The following PDE7B variants were observed in gnomAD, a reference collection of about 807,000 sequenced individuals.
PDE7B encodes the protein 3',5'-cyclic-AMP phosphodiesterase 7B.
In PDE7B, 29 loss-of-function variants were observed where a neutral mutation model predicts 56.2. The ratio of observed to expected loss-of-function variants is 0.52; its 90% CI spans 0.38 to 0.70. The LOEUF is 0.70. Among genes scored for constraint, PDE7B ranks in the 30% least tolerant of loss-of-function variants. The pLI is 0.00. For synonymous variants in PDE7B, 197 were observed against 196.9 expected, an observed-to-expected ratio of 1.00 and a Z score of 0.00; for missense variants, 490 against 565.0, an observed-to-expected ratio of 0.87 and a Z score of 1.35.
chr6:135,852,870 T>C (rs1019478276), intron 1 of PDE7B, among the ~76,000 whole-genome samples: 1 of 152,216 alleles, frequency 6.6e-6, no homozygotes, highest in African/African-American at 2.4e-5. Context: ...AGAGTGACTA[T>C]TGCAATAAGA....
chr6:136,053,288 C>T (rs139058340), intron 2 of PDE7B, among the ~76,000 whole-genome samples: 1,859 of 148,782 alleles, frequency 0.012, 37 homozygotes, highest in African/African-American at 0.041. Context: ...AATTCCCACC[C>T]ATGAGTTAGA....
At chr6:135,881,316 C>A (rs867147084) in intron 1 of PDE7B, among the ~76,000 whole-genome samples, 2 of 131,650 alleles carry the variant, frequency 1.5e-5, no homozygotes, top group Non-Finnish European at 3.2e-5. Context: ...GCCAACATGG[C>A]AAAATCCCGT....
chr6:136,021,646 A>G (rs113303628), intron 2 of PDE7B, among the ~76,000 whole-genome samples: 40 of 147,298 alleles, frequency 2.7e-4, no homozygotes, highest in African/African-American at 9.1e-4. Flanking sequence ...CTCTGTCTCA[A>G]AAAAAAAAAA....
At chr6:135,886,831 C>T (rs898634466) in intron 1 of PDE7B, among the ~76,000 whole-genome samples, 5 of 152,076 alleles carry the variant, frequency 3.3e-5, no homozygotes, top group African/African-American at 9.7e-5. Flanking sequence ...TAAACATGCT[C>T]GTGCATGTGT....
intron 2 of PDE7B, among the ~76,000 whole-genome samples, chr6:135,965,062 A>G (rs1280455298): frequency 6.6e-6 from 1 of 152,166 alleles, no homozygotes; most frequent in Non-Finnish European, 1.5e-5. Flanking sequence ...AATCACTTGA[A>G]CCTGGGAGGT....
intron 2 of PDE7B, among the ~76,000 whole-genome samples, chr6:135,987,374 C>T (rs1008942510): frequency 7.2e-5 from 11 of 152,146 alleles, no homozygotes; most frequent in Non-Finnish European, 1.5e-4. Flanking sequence ...GCCCCTGCTC[C>T]CAAGTATCTG....
chr6:136,097,096 AC>A (rs1438812704), intron 2 of PDE7B, among the ~76,000 whole-genome samples: 4 of 152,200 alleles, frequency 2.6e-5, no homozygotes, highest in Non-Finnish European at 5.9e-5. Flanking sequence ...ATTAAATGTT[AC>A]AGATACTCAA....
intron 2 of PDE7B, among the ~76,000 whole-genome samples, chr6:136,008,434 G>C (rs998563313): frequency 6.6e-6 from 1 of 152,202 alleles, no homozygotes; most frequent in Admixed American, 6.5e-5. Context: ...GGTTGAACTA[G>C]TGTAGAGTCC....
chr6:136,056,944 G>A (rs948977862), intron 2 of PDE7B, among the ~76,000 whole-genome samples: 11 of 152,124 alleles, frequency 7.2e-5, no homozygotes, highest in African/African-American at 2.7e-4. Context: ...CCTATCATTA[G>A]GCATACTTCT....
intron 2 of PDE7B, among the ~76,000 whole-genome samples, chr6:136,004,239 T>C (rs1307158115): frequency 2.6e-5 from 4 of 152,120 alleles, no homozygotes; most frequent in East Asian, 1.9e-4. Context: ...AACCCACAGC[T>C]AATATCATAC....
At chr6:136,091,075 C>T (rs1777377442) in intron 2 of PDE7B, among the ~76,000 whole-genome samples, 1 of 152,164 alleles carries the variant, frequency 6.6e-6, no homozygotes, top group Admixed American at 6.5e-5. Flanking sequence ...CCTCATGTGT[C>T]CTCTCTATTT....
chr6:135,926,791 G>A (rs951331082), intron 1 of PDE7B, among the ~76,000 whole-genome samples: 4 of 152,030 alleles, frequency 2.6e-5, no homozygotes, highest in Admixed American at 6.6e-5. Flanking sequence ...TCTACTGTGC[G>A]GCAAGTGCTT....
intron 2 of PDE7B, among the ~76,000 whole-genome samples, chr6:136,045,412 T>C (rs1776485404): frequency 1.3e-5 from 2 of 152,216 alleles, no homozygotes; most frequent in African/African-American, 4.8e-5. Context: ...TAGAGGCCCC[T>C]TCTTCTAAGC....
At chr6:136,170,594 T>G (rs1327523923) in intron 8 of PDE7B, among the ~76,000 whole-genome samples, 1 of 152,196 alleles carries the variant, frequency 6.6e-6, no homozygotes, top group Non-Finnish European at 1.5e-5. Context: ...TAGTCCATTT[T>G]CTGTTGCTTA....
At chr6:136,043,220 A>G (rs1236594749) in intron 2 of PDE7B, among the ~76,000 whole-genome samples, 4 of 152,306 alleles carry the variant, frequency 2.6e-5, no homozygotes, top group South Asian at 2.1e-4. Flanking sequence ...AATTTAAAGC[A>G]TCTCTTAAAT....
chr6:136,132,521 C>T (rs1438920299), intron 3 of PDE7B, among the ~76,000 whole-genome samples: 2 of 152,140 alleles, frequency 1.3e-5, no homozygotes, highest in African/African-American at 4.8e-5. Flanking sequence ...AAACTCATTT[C>T]TTCATCTGTA....
intron 9 of PDE7B, 119 bp downstream of exon 9, chr6:136,174,007 G>C: frequency 2.8e-6 from 2 of 709,950 alleles, no homozygotes; most frequent in South Asian, 3.2e-5. Flanking sequence ...TGTACTTCCT[G>C]CCTGCACTGA....
At chr6:136,018,405 T>G (rs1300968559) in intron 2 of PDE7B, among the ~76,000 whole-genome samples, 2 of 152,232 alleles carry the variant, frequency 1.3e-5, no homozygotes, top group African/African-American at 4.8e-5. Context: ...TACAGAAATA[T>G]GATTCAGTAA....
At chr6:136,005,674 A>T (rs1775769594) in intron 2 of PDE7B, among the ~76,000 whole-genome samples, 1 of 152,236 alleles carries the variant, frequency 6.6e-6, no homozygotes, top group African/African-American at 2.4e-5. Flanking sequence ...CACACCAGTT[A>T]GAATGGCAAT....
Sources: gnomAD v4.1 joint callset for allele counts (sites outside exome capture counted in the v4.1 genomes callset) on GRCh38, gnomAD v4.1.1 for gene constraint, MANE v1.5 for transcripts, NCBI Gene and HGNC (gene_info 2026-07-23, HGNC 2026-07-21) for gene names.